The following EBF3 variants were observed in gnomAD, a reference collection of about 807,000 sequenced individuals.
EBF3 encodes the protein EBF transcription factor 3.
A neutral mutation model predicts 77.1 loss-of-function variants in EBF3; 18 were observed. The observed-to-expected ratio is 0.23, with a 90% CI of 0.16 to 0.35. The LOEUF (loss-of-function observed/expected upper bound fraction) is 0.35, where lower values mean the gene tolerates loss of function less well. Among genes scored for constraint, EBF3 ranks in the 10% least tolerant of loss-of-function variants. The probability of loss-of-function intolerance (pLI) is 1.00; values close to 1 mark genes in which losing one functional copy is unlikely to be tolerated. For missense variants in EBF3, 558 were observed against 860.0 expected (o/e 0.65, Z 4.39); for synonymous variants, 350 against 343.5 (o/e 1.02, Z -0.21).
intron 9 of EBF3, among the ~76,000 whole-genome samples, chr10:129,867,535 G>T (rs550151515): frequency 6.6e-6 from 1 of 152,190 alleles, no homozygotes; most frequent in East Asian, 1.9e-4. Flanking sequence ...CCTGCTTCTC[G>T]TAATTCTAGC....
chr10:129,927,736 CAGTTGGGTCCCTT>C (rs1856768425), intron 6 of EBF3, among the ~76,000 whole-genome samples: 1 of 152,178 alleles, frequency 6.6e-6, no homozygotes, highest in African/African-American at 2.4e-5. Context: ...CCCCTGAGGA[CAGTTGGGTCCCTT>C]ATCCACTGGG....
chr10:129,849,448 C>T (rs1406654124), intron 10 of EBF3, among the ~76,000 whole-genome samples: 1 of 152,208 alleles, frequency 6.6e-6, no homozygotes. Context: ...GGCCATCACT[C>T]ATTAGTAATT....
intron 6 of EBF3, among the ~76,000 whole-genome samples, chr10:129,886,113 G>A (rs1192339787): frequency 7.2e-6 from 1 of 138,732 alleles, no homozygotes; most frequent in Non-Finnish European, 1.5e-5. Flanking sequence ...CTCCTCGGAT[G>A]TACATTTCCC....
chr10:129,846,108 TTGTGTG>T (rs10530522), intron 11 of EBF3, among the ~76,000 whole-genome samples: 9,052 of 139,644 alleles, frequency 0.065, 482 homozygotes, highest in African/African-American at 0.14. Flanking sequence ...ATTCTGGGCT[TTGTGTG>T]TGTGTGTGTG....
At chr10:129,878,823 C>CAAA (rs10654202) in intron 6 of EBF3, among the ~76,000 whole-genome samples, 1,560 of 58,724 alleles carry the variant, frequency 0.027, 157 homozygotes, top group African/African-American at 0.077. Flanking sequence ...AAATCGGTCT[C>CAAA]AAAAAAAAAA....
At chr10:129,876,885 A>ACC (rs10573399) in intron 7 of EBF3, among the ~76,000 whole-genome samples, 4 of 42,396 alleles carry the variant, frequency 9.4e-5, no homozygotes, top group South Asian at 2.8e-3. Flanking sequence ...TCATCCCTGA[A>ACC]CCCCCCCCCC....
At chr10:129,843,047 G>A (rs575083039) in intron 12 of EBF3, 90 bp downstream of exon 12, 35 of 1,298,268 alleles carry the variant, frequency 2.7e-5, no homozygotes, top group Non-Finnish European at 3.6e-5. Flanking sequence ...GCATGCTTAT[G>A]TCCAGAAAGC....
At chr10:129,940,783 G>A (rs756846239) in intron 6 of EBF3, among the ~76,000 whole-genome samples, 3 of 152,154 alleles carry the variant, frequency 2.0e-5, no homozygotes, top group African/African-American at 7.2e-5. Context: ...GGATGCCAGG[G>A]GAACCGCGGG....
intron 8 of EBF3, among the ~76,000 whole-genome samples, chr10:129,869,407 C>CA (rs1220834335): frequency 6.6e-6 from 1 of 152,110 alleles, no homozygotes; most frequent in African/African-American, 2.4e-5. Context: ...ACCACCCCGC[C>CA]AGCTCCTGGC....
At chr10:129,895,380 G>A (rs1256445397) in intron 6 of EBF3, among the ~76,000 whole-genome samples, 7 of 152,196 alleles carry the variant, frequency 4.6e-5, no homozygotes, top group African/African-American at 7.2e-5. Context: ...TCCCGGCACC[G>A]AATCTACCTG....
intron 6 of EBF3, among the ~76,000 whole-genome samples, chr10:129,921,204 T>A (rs1014030909): frequency 4.0e-5 from 6 of 149,556 alleles, no homozygotes; most frequent in South Asian, 2.2e-4. Context: ...TGGATCGCAG[T>A]GGGCAAGGGG....
intron 10 of EBF3, among the ~76,000 whole-genome samples, chr10:129,859,759 C>G (rs1169150857): frequency 6.6e-6 from 1 of 152,234 alleles, no homozygotes; most frequent in Non-Finnish European, 1.5e-5. Flanking sequence ...GAAACATAGT[C>G]TATCGATTCC....
intron 8 of EBF3, among the ~76,000 whole-genome samples, chr10:129,869,515 C>T (rs796742347): frequency 6.6e-6 from 1 of 152,102 alleles, no homozygotes; most frequent in Non-Finnish European, 1.5e-5. Context: ...CCCTGTGCAG[C>T]TCGGCTTCAG....
At chr10:129,940,045 C>T (rs1013255381) in intron 6 of EBF3, among the ~76,000 whole-genome samples, 1 of 152,230 alleles carries the variant, frequency 6.6e-6, no homozygotes, top group Non-Finnish European at 1.5e-5. Flanking sequence ...CCCGAGGGCC[C>T]ACTGGTGTCC....
intron 11 of EBF3, among the ~76,000 whole-genome samples, chr10:129,846,983 C>T (rs1314893818): frequency 1.3e-5 from 2 of 152,098 alleles, no homozygotes; most frequent in Non-Finnish European, 2.9e-5. Flanking sequence ...AGGCCCCCAG[C>T]CGCCCTGGGG....
chr10:129,889,268 G>A (rs958632508), intron 6 of EBF3, among the ~76,000 whole-genome samples: 10 of 152,216 alleles, frequency 6.6e-5, no homozygotes, highest in African/African-American at 2.4e-4. Flanking sequence ...AGAGAGCATG[G>A]GGGCCAAAGG....
intron 6 of EBF3, among the ~76,000 whole-genome samples, chr10:129,933,240 T>C (rs990831546): frequency 2.0e-5 from 3 of 152,096 alleles, no homozygotes; most frequent in African/African-American, 4.8e-5. Context: ...ACCAAGTAGA[T>C]CCACAAACAG....
chr10:129,940,412 C>G (rs1857651006), intron 6 of EBF3, among the ~76,000 whole-genome samples: 1 of 152,214 alleles, frequency 6.6e-6, no homozygotes, highest in South Asian at 2.1e-4. Context: ...GTCTTCACCA[C>G]CTGCCCAGCC....
At chr10:129,955,745 A>G (rs1564924094) in intron 6 of EBF3, among the ~76,000 whole-genome samples, 1 of 152,220 alleles carries the variant, frequency 6.6e-6, no homozygotes, top group Non-Finnish European at 1.5e-5. Flanking sequence ...GTGGCATGCT[A>G]GAAGTCTCAC....
Sources: gnomAD v4.1 joint callset for allele counts (sites outside exome capture counted in the v4.1 genomes callset) on GRCh38, gnomAD v4.1.1 for gene constraint, MANE v1.5 for transcripts, NCBI Gene and HGNC (gene_info 2026-07-23, HGNC 2026-07-21) for gene names.